Variants in REEP5 observed in about 807,000 individuals in gnomAD.
REEP5 encodes the protein receptor accessory protein 5.
In REEP5, 24 loss-of-function variants were observed where a neutral mutation model predicts 22.4. That is an observed-to-expected ratio of 1.07 (90% CI 0.78 to 1.51). The LOEUF is 1.51. Among genes scored for constraint, REEP5 ranks in the 40% most tolerant of loss-of-function variants. REEP5 has a pLI of 0.00. For missense variants in REEP5, 252 were observed against 233.0 expected (o/e 1.08, Z -0.53); for synonymous variants, 103 against 88.6 (o/e 1.16, Z -0.92).
At chr5:112,898,662 A>G (rs1458590093) in intron 3 of REEP5, among the ~76,000 whole-genome samples, 1 of 152,206 alleles carries the variant, frequency 6.6e-6, no homozygotes, top group Non-Finnish European at 1.5e-5. Context: ...AGTGGGCCCA[A>G]AGCAAAAGCC....
chr5:112,900,014 T>G (rs1768806928), intron 3 of REEP5, among the ~76,000 whole-genome samples: 1 of 152,200 alleles, frequency 6.6e-6, no homozygotes, highest in Admixed American at 6.5e-5. Context: ...TCCATTTCCC[T>G]ATACATTCAC....
intron 2 of REEP5, among the ~76,000 whole-genome samples, chr5:112,910,639 C>G (rs1463974161): frequency 6.6e-6 from 1 of 152,168 alleles, no homozygotes; most frequent in Non-Finnish European, 1.5e-5. Flanking sequence ...ATATCTGCAG[C>G]TCAATCTCTC....
At chr5:112,908,041 G>A (rs1427206317) in intron 2 of REEP5, among the ~76,000 whole-genome samples, 1 of 151,496 alleles carries the variant, frequency 6.6e-6, no homozygotes, top group Non-Finnish European at 1.5e-5. Flanking sequence ...AAAAAAAGAA[G>A]GGGGCGGGGG....
intron 2 of REEP5, among the ~76,000 whole-genome samples, chr5:112,905,550 A>C (rs926168186): frequency 1.4e-4 from 21 of 148,714 alleles, no homozygotes; most frequent in Admixed American, 1.3e-4. Context: ...CAAAAAAAAA[A>C]CAAAACAAAA....
intron 2 of REEP5, among the ~76,000 whole-genome samples, chr5:112,905,698 G>A (rs1221847107): frequency 6.6e-6 from 1 of 151,994 alleles, no homozygotes; most frequent in Non-Finnish European, 1.5e-5. Context: ...ACAACTCACT[G>A]CGGCCTCAAC....
intron 2 of REEP5, among the ~76,000 whole-genome samples, chr5:112,905,472 C>A (rs1380543961): frequency 6.7e-6 from 1 of 149,120 alleles, no homozygotes; most frequent in African/African-American, 2.5e-5. Context: ...ACCCGGGAGG[C>A]GGGGGTTGCA....
At chr5:112,879,273 G>A (rs919565508) in intron 4 of REEP5, among the ~76,000 whole-genome samples, 6 of 131,714 alleles carry the variant, frequency 4.6e-5, no homozygotes, top group Non-Finnish European at 9.3e-5. Context: ...ACAAATCAGA[G>A]AAGTCCTCAT....
chr5:112,879,431 T>C lies in REEP5; in HGVS notation c.521-596A>G, dbSNP rs114900508. ...AAGCCCTTAAATAGAATGGCATACA[T>C]AGTATTTCCATATAACCTATGTGCT... On this transcript the variant is annotated intron_variant, in intron 4 of 4. Coordinates refer to ENST00000379638, the MANE Select transcript of REEP5 (RefSeq NM_005669.5). Among the ~76,000 whole-genome samples, 474 of 152,226 alleles carry C rather than the reference T, an allele frequency of 3.1e-3. 4 individuals carry two copies. The highest frequency in any genetic ancestry group is 0.011 in the African/African-American group (459 of 41,548).
chr5:112,906,153 G>A (rs975656150), intron 2 of REEP5, among the ~76,000 whole-genome samples: 1 of 152,232 alleles, frequency 6.6e-6, no homozygotes, highest in Admixed American at 6.5e-5. Context: ...ATAGAATGGA[G>A]GGGTAGAAAC....
At chr5:112,916,891 G>A (rs1466021107) in intron 2 of REEP5, among the ~76,000 whole-genome samples, 1 of 152,138 alleles carries the variant, frequency 6.6e-6, no homozygotes, top group Non-Finnish European at 1.5e-5. Context: ...TTGTTCTGAG[G>A]ATTAAATGAG....
At position 112,921,513 on chromosome 5, in the gene REEP5, AC is replaced by A. The variant is rs545570627; in HGVS notation, c.119-258del. ...GGGGGCCCCGGCGCTTTGCGCAGCA[AC>A]CCCCGGCGCCCGGGACGGTCCCAGG... On this transcript the variant is annotated intron_variant, in intron 1 of 4. Coordinates refer to ENST00000379638, the MANE Select transcript of REEP5 (RefSeq NM_005669.5). 4.7e-4 allele frequency: 244 copies of A among 521,798 alleles called. 2 individuals are homozygous for A. In the South Asian group the frequency reaches 5.2e-3, roughly 11 times the overall value. 32.3% of individuals were successfully genotyped at this position (521,798 alleles called of 1,614,324 possible).
intron 3 of REEP5, among the ~76,000 whole-genome samples, chr5:112,898,642 G>A (rs576713811): frequency 6.6e-6 from 1 of 152,268 alleles, no homozygotes; most frequent in East Asian, 1.9e-4. Flanking sequence ...AGTGTTCACT[G>A]CCACAAGCAA....
intron 3 of REEP5, among the ~76,000 whole-genome samples, chr5:112,888,002 A>G (rs914012807): frequency 1.3e-5 from 2 of 152,250 alleles, no homozygotes; most frequent in Non-Finnish European, 2.9e-5. Flanking sequence ...AAAGTTTAAT[A>G]AACAATATAC....
At chr5:112,899,560 T>A (rs1333389773) in intron 3 of REEP5, among the ~76,000 whole-genome samples, 1 of 152,236 alleles carries the variant, frequency 6.6e-6, no homozygotes, top group Non-Finnish European at 1.5e-5. Flanking sequence ...ACCATTTACC[T>A]GCTGATGGAC....
intron 4 of REEP5, among the ~76,000 whole-genome samples, chr5:112,881,148 AAAAG>A: frequency 6.6e-6 from 1 of 151,402 alleles, no homozygotes; most frequent in Non-Finnish European, 1.5e-5. Context: ...AAAAAAAAAA[AAAAG>A]CTGGCAATCC....
chr5:112,913,042 G>A (rs1467419462), intron 2 of REEP5, among the ~76,000 whole-genome samples: 4 of 152,308 alleles, frequency 2.6e-5, no homozygotes, highest in African/African-American at 7.2e-5. Context: ...AGTGGCTCAT[G>A]TCTGTAATCC....
At chr5:112,908,682 C>G (rs1313170799) in intron 2 of REEP5, among the ~76,000 whole-genome samples, 1 of 151,322 alleles carries the variant, frequency 6.6e-6, no homozygotes, top group Non-Finnish European at 1.5e-5. Flanking sequence ...CCCACGACAG[C>G]GCCCACGACC....
At chr5:112,879,546 T>C (rs1768005848) in intron 4 of REEP5, among the ~76,000 whole-genome samples, 2 of 152,194 alleles carry the variant, frequency 1.3e-5, no homozygotes, top group Non-Finnish European at 2.9e-5. Flanking sequence ...CGATCTCGGC[T>C]CACTACAGGC....
At chr5:112,879,522 G>A (rs1768004687) in intron 4 of REEP5, among the ~76,000 whole-genome samples, 1 of 152,170 alleles carries the variant, frequency 6.6e-6, no homozygotes, top group Admixed American at 6.5e-5. Flanking sequence ...CACCCAGCCT[G>A]GAGTGCAGTG....
Sources: gnomAD v4.1 joint callset for allele counts (sites outside exome capture counted in the v4.1 genomes callset) on GRCh38, gnomAD v4.1.1 for gene constraint, MANE v1.5 for transcripts, NCBI Gene and HGNC (gene_info 2026-07-23, HGNC 2026-07-21) for gene names.